Variants in DYNC1LI1 observed in about 807,000 individuals in gnomAD.
DYNC1LI1 encodes cytoplasmic dynein 1 light intermediate chain 1.
In DYNC1LI1, 19 loss-of-function variants were observed where a neutral mutation model predicts 63.8. The observed-to-expected ratio is 0.30, with a 90% CI of 0.21 to 0.44. DYNC1LI1 has a LOEUF of 0.44. DYNC1LI1 is among the 20% of genes least tolerant of loss of function. DYNC1LI1 has a pLI of 1.00. For synonymous variants in DYNC1LI1, 225 were observed against 232.3 expected (o/e 0.97, Z 0.28); for missense variants, 565 against 630.2 (o/e 0.90, Z 1.11).
chr3:32,536,942 C>A (rs924087028), intron 6 of DYNC1LI1, 69 bp downstream of exon 6: 24 of 852,896 alleles, frequency 2.8e-5, no homozygotes, highest in East Asian at 8.4e-5. Flanking sequence ...CAATTTAATT[C>A]TTTTAACTTT....
At chr3:32,556,301 A>T (rs1336379264) in intron 2 of DYNC1LI1, among the ~76,000 whole-genome samples, 1 of 152,310 alleles carries the variant, frequency 6.6e-6, no homozygotes, top group East Asian at 1.9e-4. Flanking sequence ...CTGCAGACTG[A>T]ATAGCACACT....
rs59037467 is a variant in DYNC1LI1, at chr3:32,561,002, CAAAAAAAAAAAAAAAA to C, written c.220+9328_220+9343del. Among the ~76,000 whole-genome samples, 39 of 26,120 alleles carry C rather than the reference CAAAAAAAAAAAAAAAA, an allele frequency of 1.5e-3. 3 individuals carry two copies. Among genetic ancestry groups the C allele is most frequent in the South Asian group, 4.1e-3 (3 of 732 alleles). The allele number at this position is 26,120 out of a possible 152,430, so 17.1% of individuals were successfully genotyped here. ...GGGCAACAAGAGCAAAACTCCGTCTCAAAAAAAAAAAAAAAAAAAAAAAAAAAAAAACAAACAAAAA... is the reference window on the plus strand; with the variant it reads ...GGGCAACAAGAGCAAAACTCCGTCTCAAAAAAAAAAAAAAACAAACAAAAA... On this transcript the variant is annotated intron_variant, in intron 2 of 12. Transcript: ENST00000273130.
At chr3:32,538,107 CAA>C (rs72138394) in intron 5 of DYNC1LI1, among the ~76,000 whole-genome samples, 2,610 of 43,638 alleles carry the variant, frequency 0.06, 167 homozygotes, top group Non-Finnish European at 0.094. Flanking sequence ...TATAAAATAG[CAA>C]AAAAAAAAAA....
At chr3:32,569,203 T>G (rs898684268) in intron 2 of DYNC1LI1, among the ~76,000 whole-genome samples, 2 of 152,220 alleles carry the variant, frequency 1.3e-5, no homozygotes, top group Non-Finnish European at 2.9e-5. Context: ...AGGGCTTATA[T>G]GTGATAGGGC....
At chr3:32,545,405 T>C in intron 3 of DYNC1LI1, 3 of 423,280 alleles carry the variant, frequency 7.1e-6, no homozygotes, top group Non-Finnish European at 1.3e-5. Context: ...AACTTGTTTA[T>C]GTTTTTACCA....
chr3:32,540,190 G>T (rs1697861225), intron 5 of DYNC1LI1, among the ~76,000 whole-genome samples: 3 of 151,788 alleles, frequency 2.0e-5, no homozygotes, highest in South Asian at 4.2e-4. Flanking sequence ...ATTTTTAAAG[G>T]AAACTTAATT....
chr3:32,537,771 C>T (rs1482778110), intron 5 of DYNC1LI1, among the ~76,000 whole-genome samples: 7 of 145,976 alleles, frequency 4.8e-5, no homozygotes, highest in Non-Finnish European at 7.4e-5. Flanking sequence ...CACCAAAACC[C>T]TTCTGAATTG....
chr3:32,560,023 A>G (rs535701779), intron 2 of DYNC1LI1, among the ~76,000 whole-genome samples: 1 of 152,170 alleles, frequency 6.6e-6, no homozygotes, highest in Non-Finnish European at 1.5e-5. Context: ...AGAGACTATT[A>G]ACAAAATGCA....
chr3:32,531,833 T>C (rs1043714346), intron 8 of DYNC1LI1: 7 of 152,198 alleles, frequency 4.6e-5, no homozygotes, highest in Non-Finnish European at 1.0e-4. Flanking sequence ...AAGTTGAGTA[T>C]CCTTCATCCG....
chr3:32,540,135 C>A (rs1038610372), intron 5 of DYNC1LI1, among the ~76,000 whole-genome samples: 11 of 151,838 alleles, frequency 7.2e-5, no homozygotes, highest in African/African-American at 2.7e-4. Context: ...TCCCAAAGTG[C>A]TGGGATTACA....
At chr3:32,564,127 C>T (rs1698228233) in intron 2 of DYNC1LI1, among the ~76,000 whole-genome samples, 1 of 152,132 alleles carries the variant, frequency 6.6e-6, no homozygotes, top group Non-Finnish European at 1.5e-5. Context: ...ATAGTAAATC[C>T]CTGTCTCTAG....
intron 2 of DYNC1LI1, among the ~76,000 whole-genome samples, chr3:32,548,816 T>C (rs934432398): frequency 6.6e-6 from 1 of 152,314 alleles, no homozygotes; most frequent in Middle Eastern, 3.4e-3. Context: ...CATTCCATAA[T>C]GCATATATAT....
intron 2 of DYNC1LI1, among the ~76,000 whole-genome samples, chr3:32,558,210 G>A (rs1266851612): frequency 6.6e-6 from 1 of 151,992 alleles, no homozygotes; most frequent in African/African-American, 2.4e-5. Flanking sequence ...TCCAGCCTGG[G>A]CAACAGAGCA....
In DYNC1LI1 at chr3:32,537,110, A is replaced by C. The variant is rs1232527842; in HGVS notation, c.739-6T>G. ...AATACACTAATGGCATCACACTGTTAAGTTAAAATAATTAAAAATAATACA... is the reference window on the plus strand; with the variant it reads ...AATACACTAATGGCATCACACTGTTCAGTTAAAATAATTAAAAATAATACA... On this transcript the variant is annotated splice_polypyrimidine_tract_variant and splice_region_variant and intron_variant, in intron 5 of 12. Coordinates refer to ENST00000273130, the MANE Select transcript of DYNC1LI1 (RefSeq NM_016141.4). The C allele has an allele frequency of 6.9e-7, 1 of 1,444,376 alleles. No homozygotes were observed. The highest frequency in any genetic ancestry group is 9.4e-7 in the Non-Finnish European group (1 of 1,058,964). 89.5% of individuals were successfully genotyped at this position (1,444,376 alleles called of 1,614,324 possible). A position where few individuals can be genotyped will look rare whatever the true frequency, so the allele number is the denominator to read the frequency against.
intron 2 of DYNC1LI1, among the ~76,000 whole-genome samples, chr3:32,546,757 C>CATAATACATGG (rs1559439588): frequency 6.6e-6 from 1 of 151,996 alleles, no homozygotes; most frequent in African/African-American, 2.4e-5. Flanking sequence ...GAACTGTGAC[C>CATAATACATGG]TTTAGCAGAA....
chr3:32,568,345 T>C (rs1559446600), intron 2 of DYNC1LI1, among the ~76,000 whole-genome samples: 1 of 152,200 alleles, frequency 6.6e-6, no homozygotes, highest in Non-Finnish European at 1.5e-5. Flanking sequence ...AGGGGTATTT[T>C]AGAAAGTTAA....
chr3:32,556,439 T>C (rs1447445390), intron 2 of DYNC1LI1, among the ~76,000 whole-genome samples: 3 of 152,228 alleles, frequency 2.0e-5, no homozygotes, highest in African/African-American at 7.2e-5. Context: ...CATAAAGTCT[T>C]TGCTTTTAAG....
intron 2 of DYNC1LI1, among the ~76,000 whole-genome samples, chr3:32,552,774 T>C (rs564236435): frequency 1.3e-5 from 2 of 152,212 alleles, no homozygotes; most frequent in South Asian, 4.2e-4. Flanking sequence ...GGTGCGATCT[T>C]GGCTCACTGC....
chr3:32,530,331 GAAA>G lies in DYNC1LI1; in HGVS notation c.1141-6_1141-4del, dbSNP rs35467710. 1,480 of 1,405,222 alleles carry G rather than the reference GAAA, an allele frequency of 1.1e-3. No homozygotes were observed. The highest frequency in any genetic ancestry group is 3.2e-3 in the Admixed American group (137 of 42,854). 87.0% of individuals were successfully genotyped at this position (1,405,222 alleles called of 1,614,324 possible). A position where few individuals can be genotyped will look rare whatever the true frequency, so the allele number is the denominator to read the frequency against. ...GGTGGTTGCTTTGCTAAAAGGGACT[GAAA>G]AAAAAAAAAAAAAAGAATCCTAGTT... On this transcript the variant is annotated splice_region_variant and splice_polypyrimidine_tract_variant and intron_variant, in intron 9 of 12. Coordinates refer to ENST00000273130, the MANE Select transcript of DYNC1LI1 (RefSeq NM_016141.4).
Sources: gnomAD v4.1 joint callset for allele counts (sites outside exome capture counted in the v4.1 genomes callset) on GRCh38, gnomAD v4.1.1 for gene constraint, MANE v1.5 for transcripts, NCBI Gene and HGNC (gene_info 2026-07-23, HGNC 2026-07-21) for gene names.